ERCC6: variants seen among roughly 807,000 people sequenced by gnomAD.
ERCC6 encodes the protein ERCC excision repair 6, chromatin remodeling factor.
Under a neutral mutation model 158.7 loss-of-function variants are expected in ERCC6, and 116 were observed. The ratio of observed to expected loss-of-function variants is 0.73; its 90% CI spans 0.63 to 0.85. ERCC6 has a LOEUF of 0.85. Ranked by LOEUF, ERCC6 falls within the 40% of genes least tolerant of loss-of-function variation. ERCC6 has a pLI of 0.00. For missense variants in ERCC6, 1,698 were observed against 1,799.4 expected (o/e 0.94, Z 1.02); for synonymous variants, 678 against 659.3 (o/e 1.03, Z -0.43).
chr10:49,445,549 A>G, the ERCC6 span, among the ~76,000 whole-genome samples: 1 of 152,246 alleles, frequency 6.6e-6, no homozygotes, highest in Admixed American at 6.5e-5. Flanking sequence ...TGTGCCAGGC[A>G]CTATTCTAAG....
rs1837252651 is a variant in ERCC6 at position 49,524,251 on chromosome 10, C to T, written c.1179G>A (p.Ala393=). 5 of 1,614,086 alleles carry T rather than the reference C, an allele frequency of 3.1e-6. No homozygotes were observed. Among genetic ancestry groups the T allele is most frequent in the East Asian group, 2.2e-5 (1 of 44,864 alleles). Residue 393 remains alanine (A), a synonymous_variant, in exon 5 of 21, where the codon GCG becomes GCA. Coordinates refer to ENST00000355832, the MANE Select transcript of ERCC6 (RefSeq NM_000124.4). ...EEDDEVEGAE[A]DLSGDGTDYE... is the part of the protein sequence containing the mutation. ...AGTCAGTACCATCTCCAGACAGGTC[C>T]GCCTCTGCCCCCTCCACCTCGTCAT...
intron 4 of ERCC6, among the ~76,000 whole-genome samples, chr10:49,527,588 TC>T (rs2132629617): frequency 6.6e-6 from 1 of 152,284 alleles, no homozygotes; most frequent in South Asian, 2.1e-4. Context: ...GGCAGGAGAA[TC>T]GCTTGAACCC....
At chr10:49,481,052 C>T (rs960574097) in intron 10 of ERCC6, among the ~76,000 whole-genome samples, 2 of 152,122 alleles carry the variant, frequency 1.3e-5, no homozygotes, top group Non-Finnish European at 2.9e-5. Flanking sequence ...ATGTAAGAGG[C>T]GATCCTTGTT....
At chr10:49,466,532 T>C (rs1850677979) in intron 18 of ERCC6, among the ~76,000 whole-genome samples, 1 of 152,210 alleles carries the variant, frequency 6.6e-6, no homozygotes, top group Non-Finnish European at 1.5e-5. Context: ...TTTGGTAAGT[T>C]GTGACATTAT....
chr10:49,461,598 T>A, intron 18 of ERCC6, 42 bp from the exon 19 acceptor site: 2 of 1,568,198 alleles, frequency 1.3e-6, no homozygotes, highest in Non-Finnish European at 1.7e-6. Context: ...TCACTCTGTA[T>A]GCAAGAAAGA....
Position 49,506,371 on chromosome 10 carries a change from T to C in ERCC6, c.1398-359A>G, listed in dbSNP as rs1312862991. 7.5e-5 allele frequency: 21 copies of C among 278,412 alleles called. 1 individual carries two copies. In the Admixed American group the frequency reaches 9.6e-4, roughly 13 times the overall value. 17.2% of individuals were successfully genotyped at this position (278,412 alleles called of 1,614,324 possible). On this transcript the variant is annotated intron_variant, in intron 5 of 20. Transcript: ENST00000355832. ...AGATTCAGTAAAAATTTCAATATAA[T>C]TGAGTGTCTTCACAACCGCAATACT... is the stretch of plus-strand genomic sequence containing the variant.
chr10:49,463,331 G>A (rs1850617190), intron 18 of ERCC6, among the ~76,000 whole-genome samples: 1 of 152,056 alleles, frequency 6.6e-6, no homozygotes, highest in Non-Finnish European at 1.5e-5. Flanking sequence ...TTCCACATCT[G>A]GCATCATGTC....
Position 49,459,171 on chromosome 10 carries a change from C to G in ERCC6, c.4126G>C (p.Asp1376His), listed in dbSNP as rs1255657939. The G allele has an allele frequency of 8.1e-6, 13 of 1,614,206 alleles. No homozygotes were observed. The highest frequency in any genetic ancestry group is 1.0e-5 in the Non-Finnish European group (12 of 1,180,038). The stretch of plus-strand genomic sequence containing the variant: ...AGGGGCCCGGATGAAGAGTCTGCAT[C>G]TTCTGCTCTTCCACTAAAATGCTCA... Reference protein sequence around the residue: ...VPEHFSGRAEDADSSSGPLAS... With the variant: ...VPEHFSGRAEHADSSSGPLAS... The change falls in exon 21 of 21, where the codon GAT (aspartate) becomes CAT (histidine). Residue 1376 changes from aspartate to histidine, a missense_variant. Transcript: ENST00000355832.
At chr10:49,475,310 A>G (rs1747203056) in intron 12 of ERCC6, 4 of 375,396 alleles carry the variant, frequency 1.1e-5, no homozygotes. Flanking sequence ...TAAAATATAT[A>G]TCAAAATTAA....
chr10:49,501,832 T>C (rs1331558994), intron 6 of ERCC6: 1 of 151,290 alleles, frequency 6.6e-6, no homozygotes, highest in Non-Finnish European at 1.5e-5. Context: ...TGGTGGCACG[T>C]GCCTGTAGTC....
At chr10:49,492,835 C>T (rs941556769) in intron 8 of ERCC6, among the ~76,000 whole-genome samples, 2 of 152,196 alleles carry the variant, frequency 1.3e-5, no homozygotes, top group Non-Finnish European at 2.9e-5. Flanking sequence ...GACTCCAACC[C>T]ACACTGCCAG....
intron 16 of ERCC6, among the ~76,000 whole-genome samples, chr10:49,471,767 C>T (rs1001090064): frequency 2.6e-5 from 4 of 152,212 alleles, no homozygotes; most frequent in Non-Finnish European, 5.9e-5. Flanking sequence ...AATGGCCCAG[C>T]ATGTGGTAAA....
intron 2 of ERCC6, among the ~76,000 whole-genome samples, chr10:49,532,170 G>A (rs188282803): frequency 6.6e-6 from 1 of 152,282 alleles, no homozygotes; most frequent in Non-Finnish European, 1.5e-5. Flanking sequence ...AGAAGCTACC[G>A]CACAGAGAAA....
chr10:49,468,514 A>T lies in ERCC6; in HGVS notation c.3778+1668T>A, dbSNP rs1035871345. On this transcript the variant is annotated intron_variant, in intron 18 of 20. Coordinates refer to ENST00000355832, the MANE Select transcript of ERCC6 (RefSeq NM_000124.4). ...TTTGTCATTGTTTTCATTGTTTCAC[A>T]TGGAAGGGTAAATGTTAATCTGCCT... is the stretch of plus-strand genomic sequence containing the variant. 1.3e-5 allele frequency among the ~76,000 whole-genome samples: 2 copies of T among 152,206 alleles called. 1 individual carries two copies. The highest frequency in any genetic ancestry group is 3.8e-4 in the East Asian group (2 of 5,196).
In ERCC6 at chr10:49,470,450, C is replaced by A; in HGVS notation, c.3510G>T (p.Glu1170Asp). 1 of 1,614,040 alleles carries A rather than the reference C, an allele frequency of 6.2e-7. No individual in the cohort carries two copies. Among genetic ancestry groups the A allele is most frequent in the South Asian group, 1.1e-5 (1 of 91,060 alleles). Residue 1170 changes from glutamate (E) to aspartate (D), a missense_variant, in exon 18 of 21, where the codon GAG (glutamate) becomes GAT (aspartate). Glu to Asp is a conservative substitution (Grantham distance 45, BLOSUM62 2). Transcript: ENST00000355832. ...AAAAATTATTTTCCATTTGTTTATTCTCCCAAAAAGCTTCTGTTTGAGCCT... is the reference window on the plus strand; with the variant it reads ...AAAAATTATTTTCCATTTGTTTATTATCCCAAAAAGCTTCTGTTTGAGCCT... The part of the protein sequence containing the change: ...PSQAQTEAFW[E>D]NKQMENNFYK...
At chr10:49,496,576 G>A (rs1355799422) in intron 7 of ERCC6, among the ~76,000 whole-genome samples, 1 of 152,128 alleles carries the variant, frequency 6.6e-6, no homozygotes, top group African/African-American at 2.4e-5. Flanking sequence ...GGGAGGCCGA[G>A]GCGGGTGGAT....
the ERCC6 span, among the ~76,000 whole-genome samples, chr10:49,445,287 G>A: frequency 7.9e-5 from 12 of 152,304 alleles, no homozygotes; most frequent in South Asian, 2.5e-3. Context: ...AGACACAGAT[G>A]ACCACTCCCA....
intron 5 of ERCC6, chr10:49,516,593 G>T: frequency 6.2e-7 from 1 of 1,614,040 alleles, no homozygotes; most frequent in Non-Finnish European, 8.5e-7. Context: ...AGCTAGTCAA[G>T]CCAAGATGTA....
At chr10:49,484,090 G>A (rs946249194) in intron 8 of ERCC6, among the ~76,000 whole-genome samples, 11 of 150,934 alleles carry the variant, frequency 7.3e-5, no homozygotes, top group African/African-American at 2.7e-4. Flanking sequence ...ACCAGCCTAC[G>A]CAACATGGTG....
Sources: gnomAD v4.1 joint callset for allele counts (sites outside exome capture counted in the v4.1 genomes callset) on GRCh38, gnomAD v4.1.1 for gene constraint, MANE v1.5 for transcripts, NCBI Gene and HGNC (gene_info 2026-07-23, HGNC 2026-07-21) for gene names.